Variants in DNAH8 observed in about 807,000 individuals in gnomAD.
DNAH8 encodes dynein axonemal heavy chain 8, also known as axonemal beta dynein heavy chain 8.
DNAH8 carries 382 observed loss-of-function variants against 562.1 expected under a neutral mutation model. That is an observed-to-expected ratio of 0.68 (90% CI 0.63 to 0.74). The LOEUF is 0.74. Among genes scored for constraint, DNAH8 ranks in the 30% least tolerant of loss-of-function variants. The pLI is 0.00. For missense variants in DNAH8, 5,203 were observed against 5,620.4 expected, an observed-to-expected ratio of 0.93 and a Z score of 2.37; for synonymous variants, 1,881 against 1,919.4, an observed-to-expected ratio of 0.98 and a Z score of 0.52.
intron 73 of DNAH8, among the ~76,000 whole-genome samples, chr6:38,925,458 A>G (rs1489582769): frequency 6.6e-6 from 1 of 151,830 alleles, no homozygotes; most frequent in East Asian, 1.9e-4. Flanking sequence ...AGACTCCCAA[A>G]ATGCTGGGAT....
At chr6:38,957,880 A>C (rs1418923787) in intron 82 of DNAH8, among the ~76,000 whole-genome samples, 2 of 151,402 alleles carry the variant, frequency 1.3e-5, no homozygotes, top group Non-Finnish European at 3.0e-5. Context: ...AAAAAAAAAA[A>C]AAAAAAACAA....
At position 38,946,131 on chromosome 6, in the gene DNAH8, C is replaced by T. The variant is rs149314038; in HGVS notation, c.12129+543C>T. 4.5e-3 allele frequency among the ~76,000 whole-genome samples: 686 copies of T among 152,124 alleles called. 6 individuals carry two copies. The highest frequency in any genetic ancestry group is 5.3e-3 in the Non-Finnish European group (359 of 68,014). ...GTTACTGGAAAACAATCATGAGACT[C>T]AGAATAAAGATAGCTGTTTCTTACT... On this transcript the variant is annotated intron_variant, in intron 80 of 92. Transcript: ENST00000327475.
Position 39,019,606 on chromosome 6 carries a change from A to T in DNAH8, c.13715-6940A>T, listed in dbSNP as rs115261791. 4.6e-3 allele frequency among the ~76,000 whole-genome samples: 701 copies of T among 152,284 alleles called. 6 individuals carry two copies. The highest frequency in any genetic ancestry group is 0.015 in the African/African-American group (642 of 41,556). ...AGACGTGAGAGAGGGGGGCATTTGG[A>T]TTCATCTGGGATTGCGGTTTTGCCA... On this transcript the variant is annotated intron_variant, in intron 91 of 92. Transcript: ENST00000327475.
intron 57 of DNAH8, among the ~76,000 whole-genome samples, chr6:38,889,239 C>T (rs1476761651): frequency 6.6e-6 from 1 of 151,868 alleles, no homozygotes; most frequent in African/African-American, 2.4e-5. Flanking sequence ...TGGATGAAGC[C>T]CAGAAATACA....
At chr6:38,929,329 CA>C in intron 74 of DNAH8, 181 bp from the exon 75 acceptor site, 1 of 552,158 alleles carries the variant, frequency 1.8e-6, no homozygotes, top group South Asian at 3.1e-5. Flanking sequence ...CCCCATTCAA[CA>C]AAATCATGAC....
intron 21 of DNAH8, among the ~76,000 whole-genome samples, chr6:38,795,797 T>G (rs1273966963): frequency 6.6e-6 from 1 of 152,128 alleles, no homozygotes; most frequent in Non-Finnish European, 1.5e-5. Context: ...CTGACTGCAA[T>G]CAGTTTTGGA....
In DNAH8 at chr6:38,909,520, T is replaced by C; in HGVS notation, c.9516T>C (p.Val3172=). The C allele has an allele frequency of 6.2e-7, 1 of 1,614,074 alleles. No homozygotes were observed. ...TTTGTTGACTTTGCTATCAATAGGT[T>C]GGTGAGAAGTTCCGTGCCCGTTCTT... The part of the protein sequence containing the change: ...NLHVVLCFSP[V]GEKFRARSLK... Residue 3172 remains valine (V), a splice_region_variant and synonymous_variant, in exon 65 of 93, where the codon GTT becomes GTC. Transcript: ENST00000327475.
chr6:38,733,060 T>A (rs1403563342), intron 4 of DNAH8, among the ~76,000 whole-genome samples: 1 of 152,256 alleles, frequency 6.6e-6, no homozygotes, highest in South Asian at 2.1e-4. Context: ...GGCTAATTTT[T>A]AAAAATTATT....
At position 38,742,054 on chromosome 6, in the gene DNAH8, G is replaced by T. The variant is rs369918479; in HGVS notation, c.1293+167G>T. On this transcript the variant is annotated intron_variant, in intron 8 of 92. Transcript: ENST00000327475. ...AGTTATTTCCAGAAGAGGAAATGAAGATTTATTTCTCAGGATTTCGCAGAC... is the reference window on the plus strand; with the variant it reads ...AGTTATTTCCAGAAGAGGAAATGAATATTTATTTCTCAGGATTTCGCAGAC... Among the ~76,000 whole-genome samples the T allele has an allele frequency of 1.4e-3, 217 of 152,294 alleles. 1 individual carries two copies. The highest frequency in any genetic ancestry group is 2.4e-3 in the Non-Finnish European group (164 of 68,026).
chr6:38,949,301 A>T (rs1761694864), intron 80 of DNAH8, 151 bp from the exon 81 acceptor site: 1 of 643,910 alleles, frequency 1.6e-6, no homozygotes, highest in Non-Finnish European at 2.8e-6. Context: ...TATTCAAGTC[A>T]TTGATCCTGA....
rs111382782 is a variant in DNAH8, at chr6:38,732,823, G to A, written c.611-1651G>A. Among the ~76,000 whole-genome samples, 1,272 of 152,162 alleles carry A rather than the reference G, an allele frequency of 8.4e-3. 19 individuals carry two copies. Among genetic ancestry groups the A allele is most frequent in the African/African-American group, 0.029 (1,190 of 41,522 alleles). On this transcript the variant is annotated intron_variant, in intron 4 of 92. Transcript: ENST00000327475. ...GGGCAGGAGGAATCTCCCAACCCCC[G>A]TGAAAAAGAAAGGCTGGGCAGACAA...
Position 38,898,302 on chromosome 6 carries a change from G to C in DNAH8, c.8985G>C (p.Gln2995His), listed in dbSNP as rs1779836038. ...TGGCTGAAAAACTCCAGTTTTACCA[G>C]AGACAGTTCAATGAAATCATTAGAG... ...DFLAEKLQFY[Q>H]RQFNEIIRGT... Residue 2995 changes from glutamine (Q) to histidine (H), a missense_variant, in exon 61 of 93, where the codon CAG (glutamine) becomes CAC (histidine). Gln to His is a conservative substitution (Grantham distance 24). Coordinates refer to ENST00000327475, the MANE Select transcript of DNAH8 (RefSeq NM_001206927.2). The C allele has an allele frequency of 1.3e-6, 2 of 1,590,822 alleles. No individual in the cohort carries two copies. The highest frequency in any genetic ancestry group is 1.2e-5 in the South Asian group (1 of 84,636).
chr6:38,928,491 T>A (rs971530946), intron 74 of DNAH8, among the ~76,000 whole-genome samples: 1 of 152,230 alleles, frequency 6.6e-6, no homozygotes, highest in Non-Finnish European at 1.5e-5. Context: ...ACATTATTTG[T>A]ATAAAGAAAG....
At chr6:38,841,366 C>T (rs1378353493) in intron 33 of DNAH8, among the ~76,000 whole-genome samples, 1 of 152,102 alleles carries the variant, frequency 6.6e-6, no homozygotes, top group Non-Finnish European at 1.5e-5. Flanking sequence ...TTATGGTGAG[C>T]CGAGATCGTG....
At chr6:38,802,574 A>G (rs541290831) in intron 21 of DNAH8, among the ~76,000 whole-genome samples, 1 of 152,342 alleles carries the variant, frequency 6.6e-6, no homozygotes, top group African/African-American at 2.4e-5. Flanking sequence ...TTTGAATCAG[A>G]CAAAACTGGT....
At chr6:38,964,830 G>A (rs1235705579) in intron 82 of DNAH8, among the ~76,000 whole-genome samples, 1 of 152,134 alleles carries the variant, frequency 6.6e-6, no homozygotes, top group East Asian at 1.9e-4. Flanking sequence ...AGGAGGCTGA[G>A]GCAGAAGGAT....
At chr6:38,922,337 T>G (rs966400429) in intron 71 of DNAH8, among the ~76,000 whole-genome samples, 2 of 151,774 alleles carry the variant, frequency 1.3e-5, no homozygotes, top group Admixed American at 1.3e-4. Flanking sequence ...AATACTCCCA[T>G]CACTGGCAAT....
intron 56 of DNAH8, among the ~76,000 whole-genome samples, chr6:38,884,431 T>TA (rs1778760923): frequency 6.6e-6 from 1 of 152,154 alleles, no homozygotes; most frequent in African/African-American, 2.4e-5. Context: ...GTAGCTGGGA[T>TA]AACATGTGCC....
At chr6:38,985,120 G>A (rs1764299129) in intron 87 of DNAH8, among the ~76,000 whole-genome samples, 2 of 152,190 alleles carry the variant, frequency 1.3e-5, no homozygotes, top group Admixed American at 1.3e-4. Flanking sequence ...TTGAGGAAGT[G>A]TTCACTTTTT....
Sources: allele counts gnomAD v4.1 joint callset (sites outside exome capture counted in the v4.1 genomes callset), GRCh38; gene constraint gnomAD v4.1.1; transcripts MANE v1.5; gene names NCBI Gene and HGNC (gene_info 2026-07-23, HGNC 2026-07-21).